The following TRAPPC10 variants were observed in gnomAD, a reference collection of about 807,000 sequenced individuals.
The protein encoded by TRAPPC10 is TRAPP 130 kDa subunit.
A neutral mutation model predicts 125.5 loss-of-function variants in TRAPPC10; 23 were observed. The observed-to-expected ratio is 0.18, with a 90% CI of 0.13 to 0.26. TRAPPC10 has a LOEUF of 0.26. Among genes scored for constraint, TRAPPC10 ranks in the 10% least tolerant of loss-of-function variants. TRAPPC10 has a pLI of 1.00. For synonymous variants in TRAPPC10, 509 were observed against 518.0 expected (o/e 0.98, Z 0.24); for missense variants, 1,123 against 1,308.4 (o/e 0.86, Z 2.19).
chr21:44,058,848 CA>C (rs939615123), intron 5 of TRAPPC10, among the ~76,000 whole-genome samples: 9 of 152,184 alleles, frequency 5.9e-5, no homozygotes, highest in African/African-American at 1.9e-4. Context: ...ATCCCAAGGA[CA>C]GGGGGGTGAC....
intron 10 of TRAPPC10, among the ~76,000 whole-genome samples, chr21:44,077,099 A>C (rs928091502): frequency 2.0e-5 from 3 of 152,168 alleles, no homozygotes; most frequent in African/African-American, 7.2e-5. Context: ...TCTTATACAC[A>C]CAAGTATGAA....
Position 44,077,804 on chromosome 21 carries a change from T to A in TRAPPC10, c.1469+20T>A. On this transcript the variant is annotated intron_variant, in intron 11 of 22. Coordinates refer to ENST00000291574, the MANE Select transcript of TRAPPC10 (RefSeq NM_003274.5). Reference sequence around the variant, plus strand: ...TTACATGTAATTGATTTTGTACTTTTCTTTGAATTCTAAACATACAAATAA... The same window carrying A: ...TTACATGTAATTGATTTTGTACTTTACTTTGAATTCTAAACATACAAATAA... The A allele has an allele frequency of 1.9e-6, 3 of 1,553,338 alleles. No homozygotes were observed. Among genetic ancestry groups the A allele is most frequent in the Non-Finnish European group, 2.7e-6 (3 of 1,127,480 alleles).
chr21:44,071,787 G>A (rs1353555341), intron 7 of TRAPPC10, among the ~76,000 whole-genome samples: 1 of 152,254 alleles, frequency 6.6e-6, no homozygotes, highest in Non-Finnish European at 1.5e-5. Flanking sequence ...CATGGAGCCG[G>A]TGAGAACTCG....
chr21:44,090,379 G>C (rs865862020), intron 18 of TRAPPC10, among the ~76,000 whole-genome samples: 1 of 152,204 alleles, frequency 6.6e-6, no homozygotes, highest in African/African-American at 2.4e-5. Context: ...CAGCATTAGT[G>C]ACATTTTGGG....
intron 12 of TRAPPC10, 146 bp downstream of exon 12, chr21:44,079,850 A>C: frequency 9.1e-7 from 1 of 1,098,360 alleles, no homozygotes; most frequent in Non-Finnish European, 1.3e-6. Flanking sequence ...AATGAATGAA[A>C]TGTCTAGTCG....
intron 17 of TRAPPC10, 118 bp downstream of exon 17, chr21:44,088,046 C>A: frequency 1.2e-6 from 1 of 866,532 alleles, no homozygotes; most frequent in Non-Finnish European, 1.8e-6. Flanking sequence ...TCCCGATGCC[C>A]TGGGCATGTG....
chr21:44,067,054 G>A (rs1439319613), intron 7 of TRAPPC10, among the ~76,000 whole-genome samples: 1 of 152,172 alleles, frequency 6.6e-6, no homozygotes, highest in East Asian at 1.9e-4. Flanking sequence ...TTCATTCAGC[G>A]TTTGACCTTT....
At chr21:44,079,895 TAAA>T in intron 12 of TRAPPC10, 117 bp from the exon 13 acceptor site, 1 of 893,902 alleles carries the variant, frequency 1.1e-6, no homozygotes, top group Non-Finnish European at 1.6e-6. Flanking sequence ...CCTAGTAACT[TAAA>T]AAAAAAAAGC....
At chr21:44,047,017 C>T in intron 3 of TRAPPC10, 1 of 766,018 alleles carries the variant, frequency 1.3e-6, no homozygotes, top group South Asian at 1.4e-5. Context: ...TTTCTGGAGT[C>T]CTTTCCCACC....
intron 1 of TRAPPC10, among the ~76,000 whole-genome samples, chr21:44,025,129 C>T (rs551246310): frequency 1.6e-4 from 24 of 152,300 alleles, no homozygotes; most frequent in African/African-American, 4.8e-4. Flanking sequence ...GTGGCCTTTC[C>T]GACGGGCCTG....
In TRAPPC10 at chr21:44,087,861, C is replaced by G; in HGVS notation, c.2702C>G (p.Ala901Gly). Residue 901 changes from alanine to glycine, a missense_variant, in exon 17 of 23, where the codon GCA becomes GGA. Transcript: ENST00000291574. This position sits in a 1 kb window ranked among gnomAD's most constrained non-coding sequence, Gnocchi z 4.6. Reference protein sequence around the residue: ...LGGESDMLGMAEPHRKHKDKQ... With the variant: ...LGGESDMLGMGEPHRKHKDKQ... The stretch of plus-strand genomic sequence containing the variant: ...GGGGAGAGTGACATGCTGGGGATGG[C>G]AGAGCCCCACAGGAAGCATAAGGAC... The G allele has an allele frequency of 6.2e-7, 1 of 1,614,192 alleles. No individual in the cohort carries two copies. Among genetic ancestry groups the G allele is most frequent in the Non-Finnish European group, 8.5e-7 (1 of 1,180,030 alleles).
chr21:44,095,298 T>G (rs1348831719), intron 20 of TRAPPC10, among the ~76,000 whole-genome samples: 2 of 152,092 alleles, frequency 1.3e-5, no homozygotes, highest in African/African-American at 2.4e-5. Context: ...CAGGCTGGAG[T>G]GCAATGGCAC....
At chr21:44,055,590 A>C in intron 4 of TRAPPC10, 108 bp from the exon 5 acceptor site, 1 of 907,644 alleles carries the variant, frequency 1.1e-6, no homozygotes, top group Non-Finnish European at 1.6e-6. Flanking sequence ...AAAAAAAAAA[A>C]AAAGGAGGAG....
At chr21:44,043,858 G>A (rs1601633943) in intron 3 of TRAPPC10, among the ~76,000 whole-genome samples, 1 of 152,204 alleles carries the variant, frequency 6.6e-6, no homozygotes, top group Non-Finnish European at 1.5e-5. Context: ...AAGCAGCCCC[G>A]TGGGAAGGCC....
In TRAPPC10 at chr21:44,082,894, A is replaced by T; in HGVS notation, c.1830A>T (p.Ile610=). The part of the protein sequence containing the change: ...VHVGGVLCVE[I]TMYSQMPVPV... ...TGGGCGGCGTTTTGTGCGTTGAGAT[A>T]ACCATGTACAGCCAGATGCCTGTGC... The change falls in exon 14 of 23, where the codon ATA becomes ATT. Residue 610 remains isoleucine (I), a synonymous_variant. Transcript: ENST00000291574. This position sits in a 1 kb window ranked among gnomAD's most constrained non-coding sequence, Gnocchi z 4.4. The T allele has an allele frequency of 6.2e-7, 1 of 1,614,076 alleles. No individual in the cohort carries two copies. Among genetic ancestry groups the T allele is most frequent in the Non-Finnish European group, 8.5e-7 (1 of 1,180,006 alleles).
At chr21:44,062,567 G>A in intron 6 of TRAPPC10, 4 of 985,150 alleles carry the variant, frequency 4.1e-6, no homozygotes, top group Non-Finnish European at 4.8e-6. Flanking sequence ...CAAGGGAACT[G>A]CTGGTACAGG....
chr21:44,014,972 T>C (rs1469215501), intron 1 of TRAPPC10, among the ~76,000 whole-genome samples: 2 of 152,222 alleles, frequency 1.3e-5, no homozygotes, highest in African/African-American at 2.4e-5. Flanking sequence ...ACTTTATGCC[T>C]TCATCTTGCT....
At chr21:44,046,818 C>G in intron 3 of TRAPPC10, 2 of 611,072 alleles carry the variant, frequency 3.3e-6, no homozygotes, top group Non-Finnish European at 6.1e-6. Context: ...ACCTTTAAGT[C>G]TTTTGATGCA....
At chr21:44,022,860 T>G (rs1295560080) in intron 1 of TRAPPC10, among the ~76,000 whole-genome samples, 1 of 151,922 alleles carries the variant, frequency 6.6e-6, no homozygotes, top group Non-Finnish European at 1.5e-5. Context: ...TGGGTCAGCT[T>G]CAGGCTGGAT....
Sources: allele counts gnomAD v4.1 joint callset (sites outside exome capture counted in the v4.1 genomes callset), GRCh38; gene constraint gnomAD v4.1.1; non-coding constraint Gnocchi (gnomAD v3.1); transcripts MANE v1.5; gene names NCBI Gene and HGNC (gene_info 2026-07-23, HGNC 2026-07-21).